Variants in STK39 observed in about 807,000 individuals in gnomAD.
STK39 encodes the protein serine/threonine kinase 39.
STK39 carries 20 observed loss-of-function variants against 77.8 expected under a neutral mutation model. That is an observed-to-expected ratio of 0.26 (90% confidence interval 0.18 to 0.37). The LOEUF is 0.37. Among genes scored for constraint, STK39 ranks in the 10% least tolerant of loss-of-function variants. The probability of loss-of-function intolerance (pLI) is 1.00; values close to 1 mark genes in which losing one functional copy is unlikely to be tolerated. For missense variants in STK39, 479 were observed against 656.5 expected (o/e 0.73, Z 2.95); for synonymous variants, 246 against 234.1 (o/e 1.05, Z -0.47).
At chr2:168,240,496 G>A (rs1415327365) in intron 1 of STK39, among the ~76,000 whole-genome samples, 1 of 152,226 alleles carries the variant, frequency 6.6e-6, no homozygotes, top group Admixed American at 6.5e-5. Context: ...AAGAGTCAGA[G>A]TCAAATCAAA....
At chr2:168,090,790 G>A (rs1019520329) in intron 10 of STK39, among the ~76,000 whole-genome samples, 3 of 152,164 alleles carry the variant, frequency 2.0e-5, no homozygotes, top group East Asian at 1.9e-4. Context: ...CTGTGGGGAT[G>A]TGGTTAATAG....
At chr2:168,145,159 A>G (rs1688103115) in intron 5 of STK39, among the ~76,000 whole-genome samples, 1 of 152,206 alleles carries the variant, frequency 6.6e-6, no homozygotes, top group African/African-American at 2.4e-5. Flanking sequence ...CAAGTCCAAC[A>G]GGAAACAAAT....
chr2:168,045,324 G>C (rs1049584600), intron 14 of STK39, among the ~76,000 whole-genome samples: 11 of 152,114 alleles, frequency 7.2e-5, no homozygotes, highest in Admixed American at 7.2e-4. Context: ...GCATCCTCTA[G>C]AACAGAAACA....
In STK39 at chr2:168,228,861, G is replaced by A. The variant is rs564837232; in HGVS notation, c.208+18367C>T. 7.8e-4 allele frequency among the ~76,000 whole-genome samples: 118 copies of A among 152,182 alleles called. 1 individual carries two copies. The highest frequency in any genetic ancestry group is 2.7e-3 in the African/African-American group (111 of 41,520). ...ATCCAGATAACATCTTTTTCTCAGT[G>A]CTTTTTCCTTACATGAGAAAGGAAC... On this transcript the variant is annotated intron_variant, in intron 1 of 17. Coordinates refer to ENST00000355999, the MANE Select transcript of STK39 (RefSeq NM_013233.3).
At chr2:168,101,046 T>C (rs910399278) in intron 10 of STK39, among the ~76,000 whole-genome samples, 1 of 152,204 alleles carries the variant, frequency 6.6e-6, no homozygotes, top group Non-Finnish European at 1.5e-5. Context: ...AATGAGTTCA[T>C]GTCCTTTGCA....
chr2:168,241,943 T>C (rs756702917), intron 1 of STK39, among the ~76,000 whole-genome samples: 11 of 152,218 alleles, frequency 7.2e-5, no homozygotes, highest in Non-Finnish European at 1.5e-4. Context: ...TTGCAGGACA[T>C]GAAACAGGCC....
chr2:168,026,214 A>C (rs1287087196), intron 14 of STK39, among the ~76,000 whole-genome samples: 1 of 152,168 alleles, frequency 6.6e-6, no homozygotes, highest in Non-Finnish European at 1.5e-5. Context: ...AATGTAAGTA[A>C]GTGCTTAAAA....
intron 1 of STK39, among the ~76,000 whole-genome samples, chr2:168,189,672 T>C (rs957073284): frequency 6.6e-6 from 1 of 152,214 alleles, no homozygotes; most frequent in Non-Finnish European, 1.5e-5. Context: ...AATTTACTTC[T>C]AGGCATTTTT....
chr2:167,984,488 A>C (rs556542122), intron 16 of STK39, among the ~76,000 whole-genome samples: 1 of 152,352 alleles, frequency 6.6e-6, no homozygotes, highest in African/African-American at 2.4e-5. Context: ...TCCAGCATGC[A>C]GGAGCGAGGC....
At chr2:168,124,842 T>C (rs1045891148) in intron 10 of STK39, among the ~76,000 whole-genome samples, 1 of 151,968 alleles carries the variant, frequency 6.6e-6, no homozygotes, top group Non-Finnish European at 1.5e-5. Context: ...ACACAGATTA[T>C]GAGACCATCA....
At chr2:168,201,305 T>G (rs1408215762) in intron 1 of STK39, among the ~76,000 whole-genome samples, 1 of 152,228 alleles carries the variant, frequency 6.6e-6, no homozygotes, top group Non-Finnish European at 1.5e-5. Flanking sequence ...AGACACTGTG[T>G]CTGGCAGAAA....
chr2:168,236,082 G>C (rs534470149), intron 1 of STK39, among the ~76,000 whole-genome samples: 5,230 of 151,888 alleles, frequency 0.034, 289 homozygotes, highest in African/African-American at 0.12. Flanking sequence ...CAGTGTAAAA[G>C]TGTTCCTATT....
At chr2:168,075,306 A>G (rs1686051691) in intron 10 of STK39, 75 bp from the exon 11 acceptor site, 1 of 1,590,560 alleles carries the variant, frequency 6.3e-7, no homozygotes, top group South Asian at 1.1e-5. Context: ...AACTTGGGTT[A>G]TACGGCATAC....
intron 5 of STK39, among the ~76,000 whole-genome samples, chr2:168,160,205 A>G (rs1688533947): frequency 6.6e-6 from 1 of 152,250 alleles, no homozygotes; most frequent in Admixed American, 6.5e-5. Context: ...GTTCACTGCT[A>G]TTTTGACCCT....
At chr2:168,181,074 G>T (rs756174042) in intron 2 of STK39, among the ~76,000 whole-genome samples, 8 of 152,220 alleles carry the variant, frequency 5.3e-5, no homozygotes, top group Non-Finnish European at 8.8e-5. Context: ...GTAACAAAAG[G>T]CTTCTTCATT....
At chr2:168,013,833 T>A (rs965098312) in intron 15 of STK39, among the ~76,000 whole-genome samples, 1 of 105,432 alleles carries the variant, frequency 9.5e-6, no homozygotes, top group South Asian at 2.6e-4. Context: ...TGTGTGTGTG[T>A]GTATGTGTTT....
chr2:168,119,500 A>C (rs750417705), intron 10 of STK39, among the ~76,000 whole-genome samples: 18 of 152,212 alleles, frequency 1.2e-4, no homozygotes, highest in Non-Finnish European at 1.9e-4. Context: ...AAATAGTAAT[A>C]GTGAAAAGTC....
At chr2:168,111,560 C>G (rs1401486396) in intron 10 of STK39, among the ~76,000 whole-genome samples, 1 of 152,154 alleles carries the variant, frequency 6.6e-6, no homozygotes. Flanking sequence ...TGTTTTACTT[C>G]TCTAGCTGAT....
intron 12 of STK39, among the ~76,000 whole-genome samples, chr2:168,069,026 C>G (rs936110197): frequency 1.3e-5 from 2 of 152,182 alleles, no homozygotes; most frequent in Non-Finnish European, 2.9e-5. Context: ...AAGCGATTCT[C>G]CTGCCTCAGC....
Sources: allele counts gnomAD v4.1 joint callset (sites outside exome capture counted in the v4.1 genomes callset), GRCh38; gene constraint gnomAD v4.1.1; transcripts MANE v1.5; gene names NCBI Gene and HGNC (gene_info 2026-07-23, HGNC 2026-07-21).